GPM6A: variants seen among roughly 807,000 people sequenced by gnomAD.
GPM6A encodes the protein glycoprotein M6A.
In GPM6A, 7 loss-of-function variants were observed where a neutral mutation model predicts 32.1. The observed-to-expected ratio is 0.22, with a 90% confidence interval of 0.12 to 0.41. The LOEUF (loss-of-function observed/expected upper bound fraction) is 0.41. GPM6A is among the 10% of genes least tolerant of loss of function. The pLI, the probability that GPM6A is intolerant of heterozygous loss-of-function variation, is 1.00. For missense variants in GPM6A, 235 were observed against 347.2 expected (o/e 0.68, Z 2.57); for synonymous variants, 130 against 123.4 (o/e 1.05, Z -0.35).
chr4:175,694,128 G>A (rs1744444001), intron 2 of GPM6A, among the ~76,000 whole-genome samples: 1 of 152,170 alleles, frequency 6.6e-6, no homozygotes, highest in Non-Finnish European at 1.5e-5. Flanking sequence ...AGAACTGTGA[G>A]TCAATTAACC....
chr4:175,987,586 G>A (rs1272765834), intron 1 of GPM6A, among the ~76,000 whole-genome samples: 1 of 151,234 alleles, frequency 6.6e-6, no homozygotes, highest in Non-Finnish European at 1.5e-5. Context: ...CTTTCTCCTG[G>A]TGACTTTGTT....
chr4:175,900,894 G>C (rs938774290), intron 1 of GPM6A, among the ~76,000 whole-genome samples: 1 of 152,114 alleles, frequency 6.6e-6, no homozygotes, highest in African/African-American at 2.4e-5. Flanking sequence ...ACAGATGAAT[G>C]GATAAAGAAA....
intron 1 of GPM6A, among the ~76,000 whole-genome samples, chr4:175,817,854 A>T (rs1040503553): frequency 1.3e-5 from 2 of 152,218 alleles, no homozygotes; most frequent in African/African-American, 4.8e-5. Flanking sequence ...GGAATATCCA[A>T]TTCTGAGTCT....
At chr4:175,990,308 G>A (rs763834800) in intron 1 of GPM6A, among the ~76,000 whole-genome samples, 30 of 152,166 alleles carry the variant, frequency 2.0e-4, no homozygotes, top group Middle Eastern at 3.4e-3. Flanking sequence ...CCAGCTGCTC[G>A]TCAAGATACT....
At chr4:175,953,003 G>A (rs954048101) in intron 1 of GPM6A, among the ~76,000 whole-genome samples, 3 of 148,646 alleles carry the variant, frequency 2.0e-5, no homozygotes, top group African/African-American at 7.4e-5. Flanking sequence ...GCTCTCCAGT[G>A]TGGGCGACAG....
intron 1 of GPM6A, among the ~76,000 whole-genome samples, chr4:175,805,203 T>C (rs1734645129): frequency 6.6e-6 from 1 of 152,114 alleles, no homozygotes; most frequent in South Asian, 2.1e-4. Flanking sequence ...TTTATTTGAA[T>C]TATTAACTAA....
chr4:175,949,693 G>A, intron 1 of GPM6A, among the ~76,000 whole-genome samples: 1 of 152,092 alleles, frequency 6.6e-6, no homozygotes. Flanking sequence ...GGTTGTCTTT[G>A]GCTGATACTT....
chr4:175,830,352 C>T (rs115995571), intron 1 of GPM6A, among the ~76,000 whole-genome samples: 20 of 152,224 alleles, frequency 1.3e-4, no homozygotes, highest in South Asian at 6.2e-4. Context: ...CATAAATACA[C>T]GAATGCTATT....
intron 4 of GPM6A, among the ~76,000 whole-genome samples, chr4:175,644,037 C>T (rs1022608742): frequency 6.6e-6 from 1 of 151,928 alleles, no homozygotes; most frequent in Non-Finnish European, 1.5e-5. Flanking sequence ...AAAGATCCAA[C>T]AGGGTACTTG....
intron 6 of GPM6A, among the ~76,000 whole-genome samples, chr4:175,637,664 TA>T (rs1740832920): frequency 1.9e-3 from 1 of 536 alleles, no homozygotes; most frequent in Non-Finnish European, 6.3e-3. Flanking sequence ...ATAAAATATA[TA>T]ATATATATAA....
chr4:175,744,745 A>T (rs1215154722), intron 1 of GPM6A, among the ~76,000 whole-genome samples: 1 of 152,142 alleles, frequency 6.6e-6, no homozygotes, highest in Non-Finnish European at 1.5e-5. Flanking sequence ...GAAACCTTCA[A>T]CGTTAGCTGT....
chr4:175,964,419 A>G (rs1030764740), intron 1 of GPM6A, among the ~76,000 whole-genome samples: 25 of 152,206 alleles, frequency 1.6e-4, no homozygotes, highest in Non-Finnish European at 3.2e-4. Context: ...CTATCATAAC[A>G]AAGTACCACA....
At position 175,909,086 on chromosome 4, in the gene GPM6A, C is replaced by G. The variant is rs76458017; in HGVS notation, c.-23+93223G>C. 2.1e-3 allele frequency among the ~76,000 whole-genome samples: 298 copies of G among 141,824 alleles called. 3 individuals are homozygous for G. Among genetic ancestry groups the G allele is most frequent in the African/African-American group, 7.4e-3 (284 of 38,266 alleles). 93.0% of individuals were successfully genotyped at this position (141,824 alleles called of 152,430 possible). A position where few individuals can be genotyped will look rare whatever the true frequency, so the allele number is the denominator to read the frequency against. Reference sequence around the variant, plus strand: ...TCATAACCAACTTAATCAGGTCTTACTATAACTCAGAAATAGTAACTGAAA... The same window carrying G: ...TCATAACCAACTTAATCAGGTCTTAGTATAACTCAGAAATAGTAACTGAAA... On this transcript the variant is annotated intron_variant, in intron 1 of 7. Transcript: ENST00000280187.
At chr4:175,852,806 C>T (rs982203542) in intron 1 of GPM6A, among the ~76,000 whole-genome samples, 1 of 152,096 alleles carries the variant, frequency 6.6e-6, no homozygotes, top group African/African-American at 2.4e-5. Flanking sequence ...AATCTTGAAA[C>T]TTCAATGAAA....
intron 1 of GPM6A, among the ~76,000 whole-genome samples, chr4:175,727,150 G>T (rs947497678): frequency 6.6e-6 from 1 of 152,144 alleles, no homozygotes; most frequent in African/African-American, 2.4e-5. Context: ...AAGGAAAATA[G>T]CACTAATTGA....
At chr4:175,991,513 C>T (rs1395879591) in intron 1 of GPM6A, among the ~76,000 whole-genome samples, 1 of 151,932 alleles carries the variant, frequency 6.6e-6, no homozygotes, top group Non-Finnish European at 1.5e-5. Context: ...AAAAAGAATG[C>T]AGAAAATTCC....
At chr4:175,702,689 G>A (rs1425921765) in intron 1 of GPM6A, among the ~76,000 whole-genome samples, 1 of 152,034 alleles carries the variant, frequency 6.6e-6, no homozygotes, top group East Asian at 1.9e-4. Context: ...TAATTTTTTT[G>A]TATTTTTAGT....
At chr4:175,911,224 A>G (rs1738304669) in intron 1 of GPM6A, among the ~76,000 whole-genome samples, 1 of 152,154 alleles carries the variant, frequency 6.6e-6, no homozygotes, top group Non-Finnish European at 1.5e-5. Flanking sequence ...TGACTTGGAC[A>G]AAAGGTTTAT....
At chr4:175,714,281 A>T (rs964889952) in intron 1 of GPM6A, among the ~76,000 whole-genome samples, 2 of 152,364 alleles carry the variant, frequency 1.3e-5, no homozygotes, top group African/African-American at 4.8e-5. Context: ...AGAAATTTGA[A>T]CGAATGATTA....
Sources: gnomAD v4.1 joint callset for allele counts (sites outside exome capture counted in the v4.1 genomes callset) on GRCh38, gnomAD v4.1.1 for gene constraint, MANE v1.5 for transcripts, NCBI Gene and HGNC (gene_info 2026-07-23, HGNC 2026-07-21) for gene names.